CAPN9: variants seen among roughly 807,000 people sequenced by gnomAD.
CAPN9 encodes calpain-9.
CAPN9 carries 81 observed loss-of-function variants against 92.8 expected under a neutral mutation model. The observed-to-expected ratio is 0.87, with a 90% CI of 0.73 to 1.05. CAPN9 has a LOEUF of 1.05. CAPN9 is among the 50% of genes least tolerant of loss of function. The pLI is 0.00. For missense variants in CAPN9, 848 were observed against 866.2 expected, an observed-to-expected ratio of 0.98 and a Z score of 0.26; for synonymous variants, 304 against 328.0, an observed-to-expected ratio of 0.93 and a Z score of 0.79.
Position 230,780,160 on chromosome 1 carries a change from T to C in CAPN9, c.1115-19T>C. The C allele has an allele frequency of 6.2e-7, 1 of 1,606,342 alleles. No homozygotes were observed. The stretch of plus-strand genomic sequence containing the variant: ...TGTTTTTTAAAAGGGGAAAATAATC[T>C]ACCTCTCCCAAATGACAGATACCTT... On this transcript the variant is annotated intron_variant, in intron 9 of 19. Transcript: ENST00000271971.
intron 1 of CAPN9, among the ~76,000 whole-genome samples, chr1:230,749,384 C>A (rs73104635): frequency 0.015 from 2,316 of 152,294 alleles, 66 homozygotes; most frequent in African/African-American, 0.053. Context: ...AAAGAGTGAC[C>A]CTCTGAGGGG....
intron 11 of CAPN9, among the ~76,000 whole-genome samples, chr1:230,781,263 G>A (rs1558107553): frequency 6.6e-6 from 1 of 152,156 alleles, no homozygotes; most frequent in Admixed American, 6.5e-5. Context: ...AAAAGTTGCT[G>A]TTTTCTACTG....
intron 19 of CAPN9, among the ~76,000 whole-genome samples, chr1:230,799,932 A>G (rs774988307): frequency 6.6e-6 from 1 of 151,906 alleles, no homozygotes; most frequent in East Asian, 1.9e-4. Flanking sequence ...TAATCCCAGC[A>G]CTCTGGGAGG....
intron 2 of CAPN9, 113 bp from the exon 3 acceptor site, chr1:230,759,399 G>A (rs531176324): frequency 3.8e-4 from 266 of 708,674 alleles, no homozygotes; most frequent in Middle Eastern, 9.2e-4. Flanking sequence ...TTTTAAACAG[G>A]TAGAAAAGAT....
At position 230,795,802 on chromosome 1, in the gene CAPN9, C is replaced by T. The variant is rs536839364; in HGVS notation, c.1987+523C>T. On this transcript the variant is annotated intron_variant, in intron 18 of 19. Transcript: ENST00000271971. ...GAAGGTGAGGCTGAGTGAAGCATGTCCAGGGCCTGTAACTCAGTACTGGAG... is the reference window on the plus strand; with the variant it reads ...GAAGGTGAGGCTGAGTGAAGCATGTTCAGGGCCTGTAACTCAGTACTGGAG... Among the ~76,000 whole-genome samples, 29 of 152,216 alleles carry T rather than the reference C, an allele frequency of 1.9e-4. No homozygotes were observed. In the South Asian group the frequency reaches 2.7e-3, roughly 14 times the overall value.
intron 13 of CAPN9, among the ~76,000 whole-genome samples, chr1:230,788,549 A>C (rs138907298): frequency 1.1e-3 from 173 of 152,338 alleles, no homozygotes; most frequent in Non-Finnish European, 2.0e-3. Context: ...TGAATTATGA[A>C]AGGGGTCACC....
At chr1:230,788,815 C>A (rs1438384786) in intron 13 of CAPN9, among the ~76,000 whole-genome samples, 1 of 152,140 alleles carries the variant, frequency 6.6e-6, no homozygotes, top group Non-Finnish European at 1.5e-5. Flanking sequence ...CCCAGCAAGA[C>A]AGGCTCAGAG....
rs372733697 is a variant in CAPN9 at position 230,792,470 on chromosome 1, C to T, written c.1767C>T (p.Phe589=). The part of the protein sequence containing the change: ...GKLEFDEFKV[F]WDKLKQWINL... ...TGGAGTTTGATGAATTCAAAGTGTTCTGGGACAAGCTGAAGCAGTGGATTG... is the reference window on the plus strand; with the variant it reads ...TGGAGTTTGATGAATTCAAAGTGTTTTGGGACAAGCTGAAGCAGTGGATTG... Residue 589 remains phenylalanine, a synonymous_variant, in exon 16 of 20, where the codon TTC becomes TTT. Transcript: ENST00000271971. The T allele has an allele frequency of 1.5e-5, 24 of 1,614,050 alleles. No individual in the cohort carries two copies. Among genetic ancestry groups the T allele is most frequent in the East Asian group, 8.9e-5 (4 of 44,870 alleles).
At chr1:230,774,674 C>T (rs754770936) in intron 8 of CAPN9, 43 bp downstream of exon 8, 32 of 1,354,162 alleles carry the variant, frequency 2.4e-5, no homozygotes, top group Non-Finnish European at 3.2e-5. Flanking sequence ...ACGAGCAAGT[C>T]CCATGGCCCT....
chr1:230,786,007 A>C lies in CAPN9; in HGVS notation c.1508A>C (p.Asp503Ala). 6.2e-7 allele frequency: 1 copy of C among 1,613,986 alleles called. No homozygotes were observed. The highest frequency in any genetic ancestry group is 1.1e-5 in the South Asian group (1 of 91,066). The change falls in exon 12 of 20, where the codon GAC becomes GCC. Residue 503 changes from aspartate to alanine, a missense_variant. Physicochemically the swap from Asp to Ala is moderately radical, Grantham distance 126 (BLOSUM62 -2). Coordinates refer to ENST00000271971, the MANE Select transcript of CAPN9 (RefSeq NM_006615.3). The part of the protein sequence containing the change: ...TRDMDGNVDI[D>A]LPEPPKPTPP... ...GATATGGATGGAAATGTAGACATTG[A>C]CCTTCCTGAGGTGAGTCTTCTGATG...
chr1:230,771,000 T>C (rs1666355557), intron 6 of CAPN9, among the ~76,000 whole-genome samples: 1 of 152,210 alleles, frequency 6.6e-6, no homozygotes. Flanking sequence ...TCACCATCCA[T>C]AGATGACTTG....
chr1:230,770,855 G>C (rs1216064573), intron 6 of CAPN9, among the ~76,000 whole-genome samples: 2 of 152,192 alleles, frequency 1.3e-5, no homozygotes, highest in African/African-American at 4.8e-5. Context: ...GACATCCTCT[G>C]AATGCGTGGG....
intron 3 of CAPN9, 74 bp downstream of exon 3, chr1:230,759,704 C>T: frequency 3.3e-6 from 3 of 902,086 alleles, no homozygotes; most frequent in South Asian, 1.7e-5. Context: ...TTCCACACTG[C>T]CTGGTAACCC....
chr1:230,769,181 C>A lies in CAPN9; in HGVS notation c.707C>A (p.Thr236Asn), dbSNP rs1436858184. Residue 236 changes from threonine to asparagine, a missense_variant and splice_region_variant, in exon 6 of 20, where the codon ACC becomes AAC. Transcript: ENST00000271971. Reference sequence around the variant, plus strand: ...GACTCTGCTCTTTCCATGTTTTAGACCAGAAGTGCTGCAGAATCTGAGGCC... The same window carrying A: ...GACTCTGCTCTTTCCATGTTTTAGAACAGAAGTGCTGCAGAATCTGAGGCC... ...RGSLLGCFID[T>N]RSAAESEART... 1.2e-6 allele frequency: 2 copies of A among 1,613,102 alleles called. No homozygotes were observed. Among genetic ancestry groups the A allele is most frequent in the Middle Eastern group, 1.7e-4 (1 of 6,046 alleles).
At chr1:230,799,647 T>C (rs956708043) in intron 19 of CAPN9, among the ~76,000 whole-genome samples, 2 of 152,222 alleles carry the variant, frequency 1.3e-5, no homozygotes, top group African/African-American at 4.8e-5. Context: ...GTCTTTCAAC[T>C]TCAGCATGTA....
At chr1:230,790,273 G>T in intron 14 of CAPN9, 84 bp downstream of exon 14, 1 of 1,546,416 alleles carries the variant, frequency 6.5e-7, no homozygotes, top group Non-Finnish European at 8.7e-7. Flanking sequence ...CTGCTCCTCC[G>T]AGCCGCAGAT....
At chr1:230,789,821 A>C (rs1667859246) in intron 13 of CAPN9, among the ~76,000 whole-genome samples, 1 of 152,154 alleles carries the variant, frequency 6.6e-6, no homozygotes, top group Non-Finnish European at 1.5e-5. Flanking sequence ...CAATTCCAGG[A>C]GTTGGTTCTG....
intron 19 of CAPN9, among the ~76,000 whole-genome samples, chr1:230,800,294 G>GAAAGAAAGAAAGAA (rs1668637824): frequency 1.8e-5 from 2 of 109,844 alleles, no homozygotes; most frequent in African/African-American, 6.8e-5. Flanking sequence ...AAGAAAGAAA[G>GAAAGAAAGAAAGAA]AAAGAAAGAA....
intron 18 of CAPN9, among the ~76,000 whole-genome samples, chr1:230,795,901 A>G (rs566779755): frequency 1.3e-5 from 2 of 152,114 alleles, no homozygotes; most frequent in African/African-American, 4.8e-5. Flanking sequence ...GCTTGGTTTA[A>G]TGTTCTGGCG....
Sources: gnomAD v4.1 joint callset for allele counts (sites outside exome capture counted in the v4.1 genomes callset) on GRCh38, gnomAD v4.1.1 for gene constraint, MANE v1.5 for transcripts, NCBI Gene and HGNC (gene_info 2026-07-23, HGNC 2026-07-21) for gene names.